NYAP2: variants seen among roughly 807,000 people sequenced by gnomAD.
NYAP2 encodes neuronal tyrosine-phosphorylated phosphoinositide-3-kinase adapter 2.
In NYAP2, 23 loss-of-function variants were observed where a neutral mutation model predicts 50.4. That is an observed-to-expected ratio of 0.46 (90% CI 0.33 to 0.65). The LOEUF is 0.65. Ranked by LOEUF, NYAP2 falls within the 30% of genes least tolerant of loss-of-function variation. The pLI is 0.02. For missense variants in NYAP2, 885 were observed against 861.0 expected, an observed-to-expected ratio of 1.03 and a Z score of -0.35; for synonymous variants, 394 against 365.2, an observed-to-expected ratio of 1.08 and a Z score of -0.90.
chr2:225,451,740 T>G (rs2106147994), intron 3 of NYAP2, among the ~76,000 whole-genome samples: 1 of 152,306 alleles, frequency 6.6e-6, no homozygotes, highest in Non-Finnish European at 1.5e-5. Flanking sequence ...GTGAAATAGT[T>G]TTTCTTAGCT....
At chr2:225,701,111 G>A in the NYAP2 span, 1 of 151,900 alleles carries the variant, frequency 6.6e-6, no homozygotes, top group East Asian at 2.0e-4. Context: ...GTTATTCTGT[G>A]CCTATACGAT....
intron 5 of NYAP2, among the ~76,000 whole-genome samples, chr2:225,597,512 A>AAGATATATATATATAT (rs1553554330): frequency 2.2e-5 from 1 of 46,220 alleles, no homozygotes; most frequent in Non-Finnish European, 4.8e-5. Flanking sequence ...TCCAAGGAGA[A>AAGATATATATATATAT]ATATATATAT....
At chr2:225,621,093 G>A (rs1331062732) in intron 5 of NYAP2, among the ~76,000 whole-genome samples, 1 of 144,230 alleles carries the variant, frequency 6.9e-6, no homozygotes, top group African/African-American at 2.6e-5. Flanking sequence ...CAGCCTGGGC[G>A]ACCAGCGAGA....
At chr2:225,603,085 A>G (rs1339090196) in intron 5 of NYAP2, among the ~76,000 whole-genome samples, 1 of 152,126 alleles carries the variant, frequency 6.6e-6, no homozygotes, top group Non-Finnish European at 1.5e-5. Flanking sequence ...GCGTCTTTCC[A>G]TTTACTGAAA....
intron 6 of NYAP2, among the ~76,000 whole-genome samples, chr2:225,640,119 T>C (rs1020898340): frequency 6.6e-6 from 1 of 152,164 alleles, no homozygotes; most frequent in Non-Finnish European, 1.5e-5. Context: ...TAATTTATGA[T>C]CACCCATCCT....
the NYAP2 span, among the ~76,000 whole-genome samples, chr2:225,696,082 A>G: frequency 6.6e-6 from 1 of 152,030 alleles, no homozygotes; most frequent in Non-Finnish European, 1.5e-5. Context: ...AAACAGTAAT[A>G]CATACAACAA....
At chr2:225,532,380 T>A (rs967595382) in intron 4 of NYAP2, among the ~76,000 whole-genome samples, 6 of 152,168 alleles carry the variant, frequency 3.9e-5, no homozygotes, top group African/African-American at 1.4e-4. Flanking sequence ...GCACTAACAG[T>A]TTCTATTATA....
intron 3 of NYAP2, among the ~76,000 whole-genome samples, chr2:225,476,879 A>G (rs910275752): frequency 3.3e-5 from 5 of 152,186 alleles, no homozygotes; most frequent in African/African-American, 4.8e-5. Flanking sequence ...TTTTAATATA[A>G]TTTATTTAAT....
intron 4 of NYAP2, among the ~76,000 whole-genome samples, chr2:225,556,791 C>G (rs1280208555): frequency 6.6e-6 from 1 of 152,158 alleles, no homozygotes; most frequent in Non-Finnish European, 1.5e-5. Context: ...CATGATCAAG[C>G]TTTCCTGTAG....
the NYAP2 span, among the ~76,000 whole-genome samples, chr2:225,685,847 CAT>C: frequency 4.4e-3 from 666 of 152,292 alleles, 9 homozygotes; most frequent in African/African-American, 0.015. Context: ...TGTTGCATCA[CAT>C]GTCACTTATG....
At chr2:225,467,516 T>G (rs1193128923) in intron 3 of NYAP2, among the ~76,000 whole-genome samples, 1 of 152,146 alleles carries the variant, frequency 6.6e-6, no homozygotes, top group Admixed American at 6.5e-5. Context: ...AACAAAACAT[T>G]AGTCACCCAA....
the NYAP2 span, among the ~76,000 whole-genome samples, chr2:225,668,686 G>A: frequency 3.9e-5 from 6 of 152,014 alleles, no homozygotes; most frequent in Admixed American, 2.0e-4. Context: ...GGCAGATCTC[G>A]GCCTTGAACC....
chr2:225,436,588 C>T (rs774832418), intron 3 of NYAP2, among the ~76,000 whole-genome samples: 2 of 151,984 alleles, frequency 1.3e-5, no homozygotes, highest in Non-Finnish European at 2.9e-5. Context: ...CCTTATTTCC[C>T]CATGAGGTCA....
chr2:225,436,769 A>G (rs914724203), intron 3 of NYAP2, among the ~76,000 whole-genome samples: 2 of 150,380 alleles, frequency 1.3e-5, no homozygotes, highest in African/African-American at 4.9e-5. Flanking sequence ...AGAGAGAAGA[A>G]GAAGAAGAAG....
chr2:225,421,007 C>T (rs1574605783), intron 3 of NYAP2, among the ~76,000 whole-genome samples: 1 of 152,230 alleles, frequency 6.6e-6, no homozygotes, highest in Admixed American at 6.5e-5. Context: ...ACTGCAGCCT[C>T]AACCTCCCAG....
chr2:225,565,399 A>G (rs899519348), intron 4 of NYAP2, among the ~76,000 whole-genome samples: 5 of 152,166 alleles, frequency 3.3e-5, no homozygotes, highest in Admixed American at 6.5e-5. Flanking sequence ...CTTCACATAC[A>G]TGGGCTATAA....
intron 3 of NYAP2, among the ~76,000 whole-genome samples, chr2:225,461,586 T>A (rs893931966): frequency 3.4e-4 from 52 of 152,250 alleles, no homozygotes; most frequent in African/African-American, 1.2e-3. Flanking sequence ...TTCAGATGTC[T>A]CTGTCCTACT....
intron 6 of NYAP2, among the ~76,000 whole-genome samples, chr2:225,638,423 C>T (rs1473868761): frequency 6.6e-6 from 1 of 152,002 alleles, no homozygotes; most frequent in Admixed American, 6.6e-5. Context: ...GAGAAAGTTG[C>T]TTAGCAAGTA....
chr2:225,592,916 A>G (rs1358278303), intron 5 of NYAP2, among the ~76,000 whole-genome samples: 2 of 152,224 alleles, frequency 1.3e-5, no homozygotes, highest in Non-Finnish European at 2.9e-5. Flanking sequence ...AAATGCAGAA[A>G]CATTTTCAAT....
Sources: allele counts gnomAD v4.1 joint callset (sites outside exome capture counted in the v4.1 genomes callset), GRCh38; gene constraint gnomAD v4.1.1; transcripts MANE v1.5; gene names NCBI Gene and HGNC (gene_info 2026-07-23, HGNC 2026-07-21).